Variants in GNB4 observed in about 807,000 individuals in gnomAD.
The protein encoded by GNB4 is G protein subunit beta 4.
GNB4 carries 28 observed loss-of-function variants against 45.2 expected under a neutral mutation model. The observed-to-expected ratio is 0.62, with a 90% confidence interval of 0.46 to 0.85. GNB4 has a LOEUF of 0.85. Ranked by LOEUF, GNB4 falls within the 40% of genes least tolerant of loss-of-function variation. The probability of loss-of-function intolerance (pLI) is 0.00; values close to 1 mark genes in which losing one functional copy is unlikely to be tolerated. For synonymous variants in GNB4, 132 were observed against 143.7 expected (o/e 0.92, Z 0.58); for missense variants, 321 against 425.4 (o/e 0.75, Z 2.16).
At position 179,420,899 on chromosome 3, in the gene GNB4, G is replaced by A. The variant is rs762114369; in HGVS notation, c.86C>T (p.Thr29Met). 3.0e-5 allele frequency: 47 copies of A among 1,590,116 alleles called. No homozygotes were observed. The highest frequency in any genetic ancestry group is 1.6e-4 in the East Asian group (7 of 44,346). ...AAAACAAAACTTTACCTGAACAAGC[G>A]TTGCATCATTACATGCTTTCCGAGC... is the stretch of plus-strand genomic sequence containing the variant. ...QDARKACNDA[T>M]LVQITSNMDS... The change falls in exon 3 of 10, where the codon ACG becomes ATG. Residue 29 changes from threonine to methionine, a missense_variant. By Grantham distance (81) the Thr-to-Met change is moderately conservative. Transcript: ENST00000232564.
the GNB4 span, among the ~76,000 whole-genome samples, chr3:179,510,716 G>A: frequency 6.6e-6 from 1 of 152,110 alleles, no homozygotes; most frequent in African/African-American, 2.4e-5. Context: ...CTTCCTGCCT[G>A]GATTCACTAG....
the GNB4 span, chr3:179,465,183 A>T: frequency 7.7e-7 from 1 of 1,298,848 alleles, no homozygotes; most frequent in South Asian, 1.2e-5. Flanking sequence ...AATAGAGTTC[A>T]TGATCCTGTA....
the GNB4 span, among the ~76,000 whole-genome samples, chr3:179,510,233 G>A: frequency 3.3e-5 from 5 of 151,998 alleles, no homozygotes; most frequent in Non-Finnish European, 7.4e-5. Context: ...CCATGGACCC[G>A]CCCTGCCCAG....
the GNB4 span, among the ~76,000 whole-genome samples, chr3:179,459,656 T>C: frequency 1.9e-4 from 28 of 147,954 alleles, no homozygotes; most frequent in East Asian, 5.2e-3. Flanking sequence ...CACTCCAGCC[T>C]GGGCAACAAG....
the GNB4 span, among the ~76,000 whole-genome samples, chr3:179,513,214 C>T: frequency 2.0e-5 from 2 of 102,224 alleles, no homozygotes; most frequent in South Asian, 3.4e-4. Context: ...TTTTTTGAGA[C>T]AGGTTCTTGT....
intron 1 of GNB4, among the ~76,000 whole-genome samples, chr3:179,450,796 A>C (rs1207153693): frequency 1.3e-5 from 2 of 152,230 alleles, no homozygotes; most frequent in African/African-American, 4.8e-5. Context: ...AGTATTCAAA[A>C]TTCATCAATC....
intron 2 of GNB4, among the ~76,000 whole-genome samples, chr3:179,422,258 T>G (rs969455065): frequency 6.6e-6 from 1 of 152,210 alleles, no homozygotes. Context: ...GCAGCAGTTA[T>G]GTGCAAAATT....
chr3:179,463,895 A>T, the GNB4 span, among the ~76,000 whole-genome samples: 2 of 152,152 alleles, frequency 1.3e-5, no homozygotes, highest in Non-Finnish European at 2.9e-5. Flanking sequence ...TACTCCACAA[A>T]GCTTGTCAGA....
chr3:179,464,881 T>C, the GNB4 span: 1 of 1,417,800 alleles, frequency 7.1e-7, no homozygotes, highest in East Asian at 2.3e-5. Flanking sequence ...CCCCATGCGG[T>C]GTGTGGGAAA....
chr3:179,493,142 C>G, the GNB4 span, among the ~76,000 whole-genome samples: 1 of 152,106 alleles, frequency 6.6e-6, no homozygotes, highest in African/African-American at 2.4e-5. Context: ...GTGCACACAT[C>G]AATACAAGGC....
Position 179,413,721 on chromosome 3 carries a change from G to A in GNB4, c.491C>T (p.Thr164Ile). 2.5e-6 allele frequency: 4 copies of A among 1,607,304 alleles called. No homozygotes were observed. The highest frequency in any genetic ancestry group is 3.4e-6 in the Non-Finnish European group (4 of 1,176,656). Reference protein sequence around the residue: ...DSQIVTSSGDTTCALWDIETA... With the variant: ...DSQIVTSSGDITCALWDIETA... ...GCTTCTGGAATAAACTTACCAAGTT[G>A]TATCTCCTGAACTTGTAACAATTTG... is the stretch of plus-strand genomic sequence containing the variant. Residue 164 changes from threonine to isoleucine, a missense_variant, in exon 7 of 10, where the codon ACA (threonine) becomes ATA (isoleucine). Coordinates refer to ENST00000232564, the MANE Select transcript of GNB4 (RefSeq NM_021629.4).
chr3:179,454,579 C>T, upstream of GNB4, among the ~76,000 whole-genome samples: 1 of 152,168 alleles, frequency 6.6e-6, no homozygotes, highest in Non-Finnish European at 1.5e-5. Context: ...CAGTGAGCTA[C>T]CCTGTAATCC....
At chr3:179,458,234 G>T in the GNB4 span, among the ~76,000 whole-genome samples, 2 of 152,150 alleles carry the variant, frequency 1.3e-5, no homozygotes, top group Non-Finnish European at 2.9e-5. Flanking sequence ...GTGGGGAGGG[G>T]CAGGGGAGTT....
At chr3:179,499,676 C>T in the GNB4 span, among the ~76,000 whole-genome samples, 4 of 152,198 alleles carry the variant, frequency 2.6e-5, no homozygotes, top group South Asian at 2.1e-4. Flanking sequence ...CACTGTCTTC[C>T]ACAATGGTCG....
Position 179,400,386 on chromosome 3 carries a change from C to T in GNB4, c.*827G>A, listed in dbSNP as rs576507263. On this transcript the variant is annotated 3_prime_UTR_variant, in exon 10 of 10. Transcript: ENST00000232564. ...CAAACTTCTGAAAGATGAGTATACG[C>T]TACAAACTTAGTTCCAAATATGAAA... is the stretch of plus-strand genomic sequence containing the variant. 3.3e-5 allele frequency: 5 copies of T among 152,300 alleles called. No individual in the cohort carries two copies. The East Asian group carries it at 9.6e-4, about 29-fold the overall frequency. 9.4% of individuals were successfully genotyped at this position (152,300 alleles called of 1,614,324 possible). A position where few individuals can be genotyped will look rare whatever the true frequency, so the allele number is the denominator to read the frequency against.
chr3:179,504,927 C>T, the GNB4 span, among the ~76,000 whole-genome samples: 1 of 152,144 alleles, frequency 6.6e-6, no homozygotes, highest in Non-Finnish European at 1.5e-5. Context: ...AGGATGCTTG[C>T]CCACATCAAG....
upstream of GNB4, chr3:179,451,535 T>TGGAGGCGCGAGGCG (rs1715876742): frequency 6.7e-6 from 1 of 149,974 alleles, no homozygotes; most frequent in African/African-American, 2.4e-5. Context: ...GGGACGTGGC[T>TGGAGGCGCGAGGCG]GGAGGCGCGA....
chr3:179,426,334 C>A, intron 1 of GNB4, 92 bp from the exon 2 acceptor site: 1 of 604,838 alleles, frequency 1.7e-6, no homozygotes, highest in Non-Finnish European at 2.8e-6. Context: ...TCTTTTTGGA[C>A]CTACTGAAAT....
intron 2 of GNB4, among the ~76,000 whole-genome samples, chr3:179,425,252 C>CT (rs1715107611): frequency 2.0e-5 from 3 of 152,192 alleles, no homozygotes; most frequent in African/African-American, 7.2e-5. Flanking sequence ...GGTGCTGTCT[C>CT]TTAGAGAGTG....
Sources: gnomAD v4.1 joint callset for allele counts (sites outside exome capture counted in the v4.1 genomes callset) on GRCh38, gnomAD v4.1.1 for gene constraint, MANE v1.5 for transcripts, NCBI Gene and HGNC (gene_info 2026-07-23, HGNC 2026-07-21) for gene names.